DENND6A: variants seen among roughly 807,000 people sequenced by gnomAD.
DENND6A encodes protein DENND6A.
Under a neutral mutation model 95.5 loss-of-function variants are expected in DENND6A, and 43 were observed. The observed-to-expected ratio is 0.45, with a 90% confidence interval of 0.35 to 0.58. The LOEUF is 0.58. Among genes scored for constraint, DENND6A ranks in the 20% least tolerant of loss-of-function variants. The probability of loss-of-function intolerance (pLI) is 0.00; values close to 1 mark genes in which losing one functional copy is unlikely to be tolerated. For missense variants in DENND6A, 574 were observed against 736.0 expected (o/e 0.78, Z 2.55); for synonymous variants, 257 against 260.4 (o/e 0.99, Z 0.13).
At chr3:57,634,792 T>C in intron 12 of DENND6A, 23 bp from the exon 13 acceptor site, 1 of 1,520,304 alleles carries the variant, frequency 6.6e-7, no homozygotes, top group Non-Finnish European at 8.8e-7. Context: ...GCATAAAGAT[T>C]TTTATAATTA....
At position 57,625,710 on chromosome 3, in the gene DENND6A, G is replaced by A. The variant is rs2070513432; in HGVS notation, c.*2504C>T. The stretch of plus-strand genomic sequence containing the variant: ...AGTCACTCTTTCCCAGGTTCCCAGT[G>A]CAAATTTACATCATTTTTACAAGTA... On this transcript the variant is annotated 3_prime_UTR_variant, in exon 20 of 20. Coordinates refer to ENST00000311128, the MANE Select transcript of DENND6A (RefSeq NM_152678.3). 1 of 152,234 alleles carries A rather than the reference G, an allele frequency of 6.6e-6. No individual in the cohort carries two copies. The highest frequency in any genetic ancestry group is 1.5e-5 in the Non-Finnish European group (1 of 68,010). 9.4% of individuals were successfully genotyped at this position (152,234 alleles called of 1,614,324 possible).
At chr3:57,669,176 A>C (rs2153416186) in intron 3 of DENND6A, among the ~76,000 whole-genome samples, 1 of 152,102 alleles carries the variant, frequency 6.6e-6, no homozygotes, top group African/African-American at 2.4e-5. Context: ...CCGGCCTCCA[A>C]TTTTCATTTA....
chr3:57,633,784 GAAGGCTGAGAC>G (rs1319362061), intron 14 of DENND6A, among the ~76,000 whole-genome samples: 3 of 151,940 alleles, frequency 2.0e-5, no homozygotes, highest in Non-Finnish European at 4.4e-5. Flanking sequence ...CAGCTACTTG[GAAGGCTGAGAC>G]AGAAGAATTG....
At chr3:57,688,307 T>C (rs1378953618) in intron 1 of DENND6A, among the ~76,000 whole-genome samples, 1 of 152,100 alleles carries the variant, frequency 6.6e-6, no homozygotes, top group African/African-American at 2.4e-5. Context: ...ATTAAGAGTC[T>C]AATCATCTTA....
intron 7 of DENND6A, among the ~76,000 whole-genome samples, chr3:57,660,134 C>T (rs1464042399): frequency 6.6e-6 from 1 of 151,400 alleles, no homozygotes; most frequent in Non-Finnish European, 1.5e-5. Flanking sequence ...AAAGCAATAA[C>T]ATGATTAATA....
At chr3:57,672,803 A>C (rs536391020) in intron 1 of DENND6A, among the ~76,000 whole-genome samples, 1 of 152,046 alleles carries the variant, frequency 6.6e-6, no homozygotes, top group Admixed American at 6.6e-5. Context: ...AACAAACAAA[A>C]AAATATATAT....
intron 3 of DENND6A, among the ~76,000 whole-genome samples, chr3:57,668,145 G>GT (rs1208495034): frequency 1.7e-4 from 26 of 151,164 alleles, no homozygotes; most frequent in African/African-American, 6.1e-4. Context: ...CAATTAAATT[G>GT]TTTTTCAAAA....
intron 1 of DENND6A, among the ~76,000 whole-genome samples, chr3:57,689,657 A>G (rs967457596): frequency 6.6e-6 from 1 of 152,184 alleles, no homozygotes; most frequent in African/African-American, 2.4e-5. Context: ...ATTGTATCAG[A>G]GTAGGAACCT....
At chr3:57,639,679 G>C (rs578010225) in intron 12 of DENND6A, among the ~76,000 whole-genome samples, 1 of 152,246 alleles carries the variant, frequency 6.6e-6, no homozygotes, top group South Asian at 2.1e-4. Flanking sequence ...ATCAGGCACT[G>C]TGTTTAATCC....
In DENND6A at chr3:57,625,767, T is replaced by C. The variant is rs910857659; in HGVS notation, c.*2447A>G. 1 of 152,536 alleles carries C rather than the reference T, an allele frequency of 6.6e-6. No individual in the cohort carries two copies. The highest frequency in any genetic ancestry group is 2.4e-5 in the African/African-American group (1 of 41,454). The allele number at this position is 152,536 out of a possible 1,614,324, so 9.4% of individuals were successfully genotyped here. On this transcript the variant is annotated 3_prime_UTR_variant, in exon 20 of 20. Coordinates refer to ENST00000311128, the MANE Select transcript of DENND6A (RefSeq NM_152678.3). ...TTGAAATTAAGAGATAAACTAGGTA[T>C]GATATGGTTTTCAACATGTGTTAGG...
chr3:57,630,720 A>G lies in DENND6A; in HGVS notation c.1512T>C (p.Leu504=), dbSNP rs552262646. The change falls in exon 17 of 20, where the codon CTT becomes CTC. Residue 504 remains leucine (L), a synonymous_variant. Transcript: ENST00000311128. ...TSRIKGDWIG[L]YRHFLKSPNF... is the part of the protein sequence containing the mutation. Reference sequence around the variant, plus strand: ...AACAGGGAAAAAAGACTAACCGGTAAAGTCCAATCCAATCGCCTTTTATTC... The same window carrying G: ...AACAGGGAAAAAAGACTAACCGGTAGAGTCCAATCCAATCGCCTTTTATTC... 196 of 1,612,190 alleles carry G rather than the reference A, an allele frequency of 1.2e-4. 1 individual carries two copies. The South Asian group carries it at 2.0e-3, about 17-fold the overall frequency.
intron 7 of DENND6A, 144 bp downstream of exon 7, chr3:57,660,616 G>T (rs1460366108): frequency 3.4e-6 from 2 of 583,800 alleles, no homozygotes; most frequent in Non-Finnish European, 5.5e-6. Context: ...GCTGAAGTGG[G>T]AGGATTGCTT....
In DENND6A at chr3:57,635,129, C is replaced by G. The variant is rs146694965; in HGVS notation, c.1133-360G>C. Among the ~76,000 whole-genome samples the G allele has an allele frequency of 4.2e-3, 632 of 152,168 alleles. 6 individuals are homozygous for G. The highest frequency in any genetic ancestry group is 0.015 in the African/African-American group (613 of 41,492). ...TAGATGCTGAATAGGAATAAAATAC[C>G]CTTTAAGTATAAATGGAATAGAGAG... is the stretch of plus-strand genomic sequence containing the variant. On this transcript the variant is annotated intron_variant, in intron 12 of 19. Coordinates refer to ENST00000311128, the MANE Select transcript of DENND6A (RefSeq NM_152678.3).
chr3:57,630,911 G>A lies in DENND6A; in HGVS notation c.1407+14C>T, dbSNP rs1442118847. ...ACAGTTAGAGGACCCAAATAGATTT[G>A]AATATATTCATACCTTCCATGGGGA... is the stretch of plus-strand genomic sequence containing the variant. On this transcript the variant is annotated intron_variant, in intron 16 of 19. Transcript: ENST00000311128. 6.2e-7 allele frequency: 1 copy of A among 1,613,006 alleles called. No individual in the cohort carries two copies. The highest frequency in any genetic ancestry group is 1.1e-5 in the South Asian group (1 of 90,744).
chr3:57,654,880 A>C, intron 9 of DENND6A: 3 of 770,282 alleles, frequency 3.9e-6, no homozygotes, highest in Non-Finnish European at 4.7e-6. Flanking sequence ...TTTCATTCAC[A>C]CTAATAAACG....
intron 12 of DENND6A, among the ~76,000 whole-genome samples, chr3:57,641,319 A>G (rs1371300218): frequency 6.9e-6 from 1 of 144,174 alleles, no homozygotes. Context: ...ATTTATATTC[A>G]ATATATTATA....
Position 57,659,055 on chromosome 3 carries a change from T to C in DENND6A, c.762+63A>G, listed in dbSNP as rs933371123. On this transcript the variant is annotated intron_variant, in intron 8 of 19. Coordinates refer to ENST00000311128, the MANE Select transcript of DENND6A (RefSeq NM_152678.3). ...ACTCAAGAAACTCTGCATTTGCTAG[T>C]TTAAAAATTCTGTTAAAGAGACTAT... 57 of 1,505,070 alleles carry C rather than the reference T, an allele frequency of 3.8e-5. 1 individual carries two copies. The Admixed American group carries it at 7.6e-4, about 20-fold the overall frequency. The allele number at this position is 1,505,070 out of a possible 1,614,324, so 93.2% of individuals were successfully genotyped here.
At chr3:57,653,409 A>G (rs2071250357) in intron 9 of DENND6A, among the ~76,000 whole-genome samples, 1 of 152,176 alleles carries the variant, frequency 6.6e-6, no homozygotes, top group African/African-American at 2.4e-5. Flanking sequence ...GTGGGAGGTA[A>G]GTTTTTAATA....
At chr3:57,675,350 T>C (rs1055022955) in intron 1 of DENND6A, among the ~76,000 whole-genome samples, 1 of 152,238 alleles carries the variant, frequency 6.6e-6, no homozygotes, top group Non-Finnish European at 1.5e-5. Flanking sequence ...TCTTCTTTGG[T>C]AGCCTATAAT....
Sources: gnomAD v4.1 joint callset for allele counts (sites outside exome capture counted in the v4.1 genomes callset) on GRCh38, gnomAD v4.1.1 for gene constraint, MANE v1.5 for transcripts, NCBI Gene and HGNC (gene_info 2026-07-23, HGNC 2026-07-21) for gene names.